Variants in DPH6 observed in about 807,000 individuals in gnomAD.
DPH6 encodes the protein diphthine--ammonia ligase.
Under a neutral mutation model 38.2 loss-of-function variants are expected in DPH6, and 33 were observed. The observed-to-expected ratio is 0.86, with a 90% CI of 0.65 to 1.15. The LOEUF (loss-of-function observed/expected upper bound fraction) is 1.15, where lower values mean the gene tolerates loss of function less well. DPH6 is among the 50% of genes most tolerant of loss of function. DPH6 has a pLI of 0.00. For synonymous variants in DPH6, 108 were observed against 103.0 expected, an observed-to-expected ratio of 1.05 and a Z score of -0.30; for missense variants, 325 against 320.0, an observed-to-expected ratio of 1.02 and a Z score of -0.12.
chr15:35,153,738 T>C, the DPH6 span, among the ~76,000 whole-genome samples: 1 of 151,706 alleles, frequency 6.6e-6, no homozygotes, highest in Non-Finnish European at 1.5e-5. Flanking sequence ...AGAGAAGAAA[T>C]GAACAAATGG....
intron 3 of DPH6, among the ~76,000 whole-genome samples, chr15:35,235,748 A>G (rs988457368): frequency 5.9e-5 from 9 of 152,228 alleles, no homozygotes; most frequent in African/African-American, 2.2e-4. Context: ...CAAATACTTG[A>G]ATTCCTATAT....
At chr15:35,470,062 G>A (rs1195117352) in intron 3 of DPH6, among the ~76,000 whole-genome samples, 6 of 152,100 alleles carry the variant, frequency 3.9e-5, no homozygotes, top group Non-Finnish European at 7.4e-5. Flanking sequence ...GCCGGGCATG[G>A]TGGTGTGTGC....
At chr15:35,534,589 G>C (rs1270216202) in intron 3 of DPH6, among the ~76,000 whole-genome samples, 1 of 151,890 alleles carries the variant, frequency 6.6e-6, no homozygotes, top group African/African-American at 2.4e-5. Flanking sequence ...AGAAAGTAGG[G>C]AAATTTTAAA....
chr15:35,230,099 C>T (rs543464714), intron 3 of DPH6, among the ~76,000 whole-genome samples: 1 of 152,328 alleles, frequency 6.6e-6, no homozygotes, highest in Admixed American at 6.5e-5. Context: ...GTGTCCTTTT[C>T]TTCAGGGTGG....
the DPH6 span, among the ~76,000 whole-genome samples, chr15:35,175,471 T>C: frequency 2.6e-5 from 4 of 152,222 alleles, no homozygotes; most frequent in South Asian, 8.3e-4. Flanking sequence ...CCTAATTCCA[T>C]ACCAAACATG....
At chr15:35,299,847 T>C (rs1035926661) in intron 3 of DPH6, among the ~76,000 whole-genome samples, 3 of 152,164 alleles carry the variant, frequency 2.0e-5, no homozygotes, top group Non-Finnish European at 4.4e-5. Flanking sequence ...GCTTCTCCAA[T>C]AAAATATAAA....
At chr15:35,477,253 C>CA (rs2141140051) in intron 3 of DPH6, among the ~76,000 whole-genome samples, 1 of 151,830 alleles carries the variant, frequency 6.6e-6, no homozygotes, top group African/African-American at 2.4e-5. Flanking sequence ...CATAAAATTT[C>CA]AAATAAATCA....
At chr15:35,181,758 T>C in the DPH6 span, 1 of 152,186 alleles carries the variant, frequency 6.6e-6, no homozygotes, top group Non-Finnish European at 1.5e-5. Context: ...AGTCATTTCA[T>C]GACATATTGT....
chr15:35,320,522 A>T lies in DPH6; in HGVS notation n.200+52999T>A, dbSNP rs188358981. Among the ~76,000 whole-genome samples, 413 of 152,350 alleles carry T rather than the reference A, an allele frequency of 2.7e-3. 4 individuals are homozygous for T. The highest frequency in any genetic ancestry group is 2.6e-3 in the Non-Finnish European group (178 of 68,032). On this transcript the variant is annotated intron_variant and non_coding_transcript_variant, in intron 3 of 3. Transcript: ENST00000560386. ...CTTTATCCCGTATGTAAGAAAGCCA[A>T]CTGCTTTGCAAGGAGAGTGCTGGTG...
intron 3 of DPH6, among the ~76,000 whole-genome samples, chr15:35,308,358 G>A (rs1004882972): frequency 2.6e-5 from 4 of 152,136 alleles, no homozygotes; most frequent in Non-Finnish European, 5.9e-5. Context: ...CAATGTAAAT[G>A]TATAGCAAAA....
downstream of DPH6, among the ~76,000 whole-genome samples, chr15:35,329,953 A>G (rs1407900779): frequency 6.6e-6 from 1 of 152,194 alleles, no homozygotes; most frequent in Non-Finnish European, 1.5e-5. Flanking sequence ...AGGTTAAAAA[A>G]AAATATGTTT....
chr15:35,332,966 A>C (rs1225773469), intron 3 of DPH6, among the ~76,000 whole-genome samples: 1 of 152,106 alleles, frequency 6.6e-6, no homozygotes, highest in African/African-American at 2.4e-5. Flanking sequence ...TCCTTTGTTA[A>C]AGAAAGGATG....
At chr15:35,435,713 G>T (rs538406169) in intron 5 of DPH6, among the ~76,000 whole-genome samples, 4 of 152,222 alleles carry the variant, frequency 2.6e-5, no homozygotes, top group African/African-American at 7.2e-5. Context: ...CAAGAACCCA[G>T]ATTTTTAGCT....
chr15:35,504,919 T>C lies in DPH6; in HGVS notation c.312+33355A>G, dbSNP rs564529633. 5.9e-5 allele frequency among the ~76,000 whole-genome samples: 9 copies of C among 152,176 alleles called. No homozygotes were observed. In the East Asian group the frequency reaches 1.4e-3, roughly 23 times the overall value. ...CAAAGTAAAAAAAGGTCCGAAATATTAGGCCTACTACCAAGCCACAAGACT... is the reference window on the plus strand; with the variant it reads ...CAAAGTAAAAAAAGGTCCGAAATATCAGGCCTACTACCAAGCCACAAGACT... On this transcript the variant is annotated intron_variant, in intron 3 of 8. Transcript: ENST00000256538.
the DPH6 span, among the ~76,000 whole-genome samples, chr15:35,190,524 G>A: frequency 1.3e-5 from 2 of 152,272 alleles, no homozygotes; most frequent in South Asian, 2.1e-4. Context: ...GGTGTCTGCT[G>A]GTGCATTGGA....
Position 35,285,872 on chromosome 15 carries a change from G to GTTTTTTTTTTTTTTTTTTTTTTT in DPH6, n.201-65291_201-65290insAAAAAAAAAAAAAAAAAAAAAAA, listed in dbSNP as rs67243158. ...GACTCAATTATCATTTTATCTTTGA[G>GTTTTTTTTTTTTTTTTTTTTTTT]TTTTTTTTTTTTTTTTTACCTGAGA... is the stretch of plus-strand genomic sequence containing the variant. On this transcript the variant is annotated intron_variant and non_coding_transcript_variant, in intron 3 of 3. Coordinates refer to the DPH6 transcript ENST00000560386. Among the ~76,000 whole-genome samples, 293 of 52,802 alleles carry GTTTTTTTTTTTTTTTTTTTTTTT rather than the reference G, an allele frequency of 5.5e-3. 107 individuals are homozygous for GTTTTTTTTTTTTTTTTTTTTTTT. The highest frequency in any genetic ancestry group is 0.011 in the East Asian group (18 of 1,690). The allele number at this position is 52,802 out of a possible 152,430, so 34.6% of individuals were successfully genotyped here.
chr15:35,482,402 C>T (rs2054338108), intron 3 of DPH6, among the ~76,000 whole-genome samples: 1 of 152,062 alleles, frequency 6.6e-6, no homozygotes. Flanking sequence ...AGAGAAGACA[C>T]AAGAGAGTAA....
At chr15:35,234,969 C>G (rs989273944) in intron 3 of DPH6, among the ~76,000 whole-genome samples, 1 of 152,196 alleles carries the variant, frequency 6.6e-6, no homozygotes, top group Non-Finnish European at 1.5e-5. Flanking sequence ...GAAAAGAGAT[C>G]ATTCCATTTC....
At chr15:35,278,767 G>A (rs1322575642) in intron 3 of DPH6, among the ~76,000 whole-genome samples, 1 of 152,030 alleles carries the variant, frequency 6.6e-6, no homozygotes, top group Non-Finnish European at 1.5e-5. Flanking sequence ...AGATTATTTT[G>A]GGCCAGGAGC....
Sources: allele counts gnomAD v4.1 joint callset (sites outside exome capture counted in the v4.1 genomes callset), GRCh38; gene constraint gnomAD v4.1.1; transcripts MANE v1.5; gene names NCBI Gene and HGNC (gene_info 2026-07-23, HGNC 2026-07-21).